The following PLEKHG4B variants were observed in gnomAD, a reference collection of about 807,000 sequenced individuals.
The protein encoded by PLEKHG4B is pleckstrin homology domain-containing family G member 4B.
A neutral mutation model predicts 121.3 loss-of-function variants in PLEKHG4B; 111 were observed. The observed-to-expected ratio is 0.92, with a 90% confidence interval of 0.78 to 1.07. The LOEUF (loss-of-function observed/expected upper bound fraction) is 1.07. PLEKHG4B is among the 50% of genes least tolerant of loss of function. The pLI, the probability that PLEKHG4B is intolerant of heterozygous loss-of-function variation, is 0.00. For missense variants in PLEKHG4B, 1,831 were observed against 1,757.8 expected (o/e 1.04, Z -0.74); for synonymous variants, 738 against 725.0 (o/e 1.02, Z -0.29).
chr5:109,250 C>T (rs568408136), intron 1 of PLEKHG4B, among the ~76,000 whole-genome samples: 2 of 151,986 alleles, frequency 1.3e-5, no homozygotes, highest in South Asian at 2.1e-4. Context: ...ATTAGCCAGG[C>T]GCGGTTAGTG....
intron 6 of PLEKHG4B, among the ~76,000 whole-genome samples, chr5:148,654 G>A (rs981268984): frequency 1.3e-5 from 2 of 152,164 alleles, no homozygotes; most frequent in South Asian, 2.1e-4. Context: ...ACTACACAAA[G>A]TGATGTATAG....
rs755737878 is a variant in PLEKHG4B, at chr5:161,939, G to A, written c.2644G>A (p.Glu882Lys). The change falls in exon 12 of 20, where the codon GAG becomes AAG. Residue 882 changes from glutamate (E) to lysine (K), a missense_variant. By Grantham distance (56) the Glu-to-Lys change is moderately conservative. Transcript: ENST00000637938. ...GTGGACCCGCTCGTCCGAGTTGTGC[G>A]AGACGGTAAGAGACCCAGTGGGCGT... is the stretch of plus-strand genomic sequence containing the variant. ...ARWTRSSELC[E>K]TVSSWMGPLD... The A allele has an allele frequency of 1.2e-5, 20 of 1,606,906 alleles. 1 individual carries two copies. The highest frequency in any genetic ancestry group is 1.1e-4 in the African/African-American group (8 of 74,810).
At position 156,239 on chromosome 5, in the gene PLEKHG4B, C is replaced by T. The variant is rs779074246; in HGVS notation, c.2348+29C>T. 2 of 1,428,500 alleles carry T rather than the reference C, an allele frequency of 1.4e-6. No homozygotes were observed. The highest frequency in any genetic ancestry group is 3.3e-5 in the South Asian group (2 of 60,874). 88.5% of individuals were successfully genotyped at this position (1,428,500 alleles called of 1,614,324 possible). ...AGCGCTCACAGGGGTCATGCTGGGC[C>T]CTGGCCCATCGAGGGAGCTGCTCGG... is the stretch of plus-strand genomic sequence containing the variant. On this transcript the variant is annotated intron_variant, in intron 10 of 19. Coordinates refer to ENST00000637938, the MANE Select transcript of PLEKHG4B (RefSeq NM_052909.5). This position sits in a 1 kb window ranked among gnomAD's most constrained non-coding sequence, Gnocchi z 4.4.
At chr5:168,285 T>C (rs1736418312) in intron 13 of PLEKHG4B, among the ~76,000 whole-genome samples, 1 of 152,172 alleles carries the variant, frequency 6.6e-6, no homozygotes, top group African/African-American at 2.4e-5. Flanking sequence ...AGGGTGGGGC[T>C]GAGGGTTCCG....
Position 169,466 on chromosome 5 carries a change from A to G in PLEKHG4B, c.3603A>G (p.Arg1201=). 2 of 1,614,216 alleles carry G rather than the reference A, an allele frequency of 1.2e-6. No individual in the cohort carries two copies. Among genetic ancestry groups the G allele is most frequent in the Non-Finnish European group, 8.5e-7 (1 of 1,180,040 alleles). The change falls in exon 14 of 20, where the codon CGA becomes CGG. Residue 1201 remains arginine (R), a synonymous_variant. Coordinates refer to ENST00000637938, the MANE Select transcript of PLEKHG4B (RefSeq NM_052909.5). ...GAATGGACTTGCCCCAGGGCCTTCG[A>G]GGGAAGCACCACGTTATTTTCGGCA... ...MERMDLPQGL[R]GKHHVIFGNL...
intron 1 of PLEKHG4B, among the ~76,000 whole-genome samples, chr5:104,815 T>C (rs895471640): frequency 1.3e-5 from 2 of 152,250 alleles, no homozygotes; most frequent in Admixed American, 1.3e-4. Context: ...ACAACAATCA[T>C]GCGTAATTTA....
intron 2 of PLEKHG4B, among the ~76,000 whole-genome samples, chr5:136,459 A>G (rs1734986789): frequency 6.6e-6 from 1 of 152,238 alleles, no homozygotes; most frequent in African/African-American, 2.4e-5. Context: ...GAAAAACTCC[A>G]AAAGCTCAAC....
intron 18 of PLEKHG4B, among the ~76,000 whole-genome samples, 168 bp from the exon 19 acceptor site, chr5:181,345 GA>G (rs1736928422): frequency 6.6e-6 from 1 of 152,178 alleles, no homozygotes; most frequent in African/African-American, 2.4e-5. Flanking sequence ...CCGAAAACCG[GA>G]ATGGGAAGCC....
chr5:164,725 C>CAG (rs1316021101), intron 13 of PLEKHG4B, among the ~76,000 whole-genome samples: 8 of 57,984 alleles, frequency 1.4e-4, no homozygotes, highest in South Asian at 6.8e-4. Context: ...GGAGCTCACA[C>CAG]TAATACTCTG....
chr5:174,369 G>A (rs1359860461), intron 18 of PLEKHG4B, among the ~76,000 whole-genome samples: 37 of 146,670 alleles, frequency 2.5e-4, no homozygotes, highest in East Asian at 2.0e-4. Flanking sequence ...TCCAGGGGTC[G>A]GGGGCTAAGG....
intron 7 of PLEKHG4B, among the ~76,000 whole-genome samples, chr5:152,812 T>C (rs1735648823): frequency 6.6e-6 from 1 of 152,140 alleles, no homozygotes; most frequent in Non-Finnish European, 1.5e-5. Flanking sequence ...GACTAGATCA[T>C]GGGGGCAGAT....
rs771773327 is a variant in PLEKHG4B at position 140,490 on chromosome 5, G to T, written c.1251G>T (p.Glu417Asp). The part of the protein sequence containing the change: ...DPQQTPSLEK[E>D]RHTPSRTGPG... ...AACAGACCCCAAGTCTAGAGAAGGA[G>T]AGGCACACACCCAGCCGGACAGGTC... Residue 417 changes from glutamate to aspartate, a missense_variant, in exon 3 of 20, where the codon GAG (glutamate) becomes GAT (aspartate). Glu to Asp is a conservative substitution (Grantham distance 45). Coordinates refer to ENST00000637938, the MANE Select transcript of PLEKHG4B (RefSeq NM_052909.5). 4 of 1,595,918 alleles carry T rather than the reference G, an allele frequency of 2.5e-6. No homozygotes were observed. In the East Asian group the frequency reaches 9.1e-5, roughly 36 times the overall value.
chr5:92,630 G>A (rs1733501894), intron 1 of PLEKHG4B, among the ~76,000 whole-genome samples: 2 of 151,592 alleles, frequency 1.3e-5, no homozygotes, highest in Non-Finnish European at 2.9e-5. Context: ...ACGGGAGGGA[G>A]CTTCTTCAGG....
intron 18 of PLEKHG4B, among the ~76,000 whole-genome samples, chr5:175,268 T>C (rs780806494): frequency 2.6e-4 from 40 of 151,874 alleles, no homozygotes; most frequent in Non-Finnish European, 4.7e-4. Context: ...TTCCCCACCC[T>C]AGGATCCCTT....
Position 157,888 on chromosome 5 carries a change from C to T in PLEKHG4B, c.2487+977C>T, listed in dbSNP as rs1735843895. On this transcript the variant is annotated intron_variant, in intron 11 of 19. Coordinates refer to ENST00000637938, the MANE Select transcript of PLEKHG4B (RefSeq NM_052909.5). This position sits in a 1 kb window ranked among gnomAD's most constrained non-coding sequence, Gnocchi z 4.6. ...CCAGCCCTCCTGTCTGCTGGCAAAG[C>T]TCCCCCGGCCTTCAGGTCCATGCGC... Among the ~76,000 whole-genome samples, 1 of 152,186 alleles carries T rather than the reference C, an allele frequency of 6.6e-6. No homozygotes were observed. Among genetic ancestry groups the T allele is most frequent in the Non-Finnish European group, 1.5e-5 (1 of 68,006 alleles).
intron 12 of PLEKHG4B, among the ~76,000 whole-genome samples, chr5:162,264 AGCTCCCACGCGCCCCAGACCGCACG>A (rs1736037308): frequency 5.7e-5 from 4 of 70,632 alleles, no homozygotes; most frequent in African/African-American, 2.5e-4. Flanking sequence ...CTCGCCTGCG[AGCTCCCACGCGCCCCAGACCGCACG>A]CCTGCGAGCT....
At chr5:143,842 C>G (rs1735313623) in intron 5 of PLEKHG4B, among the ~76,000 whole-genome samples, 1 of 152,234 alleles carries the variant, frequency 6.6e-6, no homozygotes. Context: ...GTCCTTGGCT[C>G]ACAAGAGTGC....
rs1218497433 is a variant in PLEKHG4B, at chr5:165,594, G to A, written c.3476+2046G>A. Reference sequence around the variant, plus strand: ...CACAGTAATCCTCTGACGGGGCGGGGCTCACACTAATGCTCTGACGGGGCG... The same window carrying A: ...CACAGTAATCCTCTGACGGGGCGGGACTCACACTAATGCTCTGACGGGGCG... On this transcript the variant is annotated intron_variant, in intron 13 of 19. Transcript: ENST00000637938. 1.6e-4 allele frequency among the ~76,000 whole-genome samples: 6 copies of A among 36,556 alleles called. No individual in the cohort carries two copies. In the East Asian group the frequency reaches 2.9e-3, roughly 17 times the overall value. 24.0% of individuals were successfully genotyped at this position (36,556 alleles called of 152,430 possible).
Position 182,415 on chromosome 5 carries a change from C to T in PLEKHG4B, c.*92C>T. ...TGATGACTCTGGGGGTGGCGGTGCC[C>T]ATCGCGTGGCTGGAACGATCCAGAG... On this transcript the variant is annotated 3_prime_UTR_variant, in exon 20 of 20. Transcript: ENST00000637938. The T allele has an allele frequency of 1.5e-6, 2 of 1,332,112 alleles. No homozygotes were observed. The highest frequency in any genetic ancestry group is 5.1e-5 in the East Asian group (2 of 39,460). The allele number at this position is 1,332,112 out of a possible 1,614,324, so 82.5% of individuals were successfully genotyped here.
Sources: allele counts gnomAD v4.1 joint callset (sites outside exome capture counted in the v4.1 genomes callset), GRCh38; gene constraint gnomAD v4.1.1; non-coding constraint Gnocchi (gnomAD v3.1); transcripts MANE v1.5; gene names NCBI Gene and HGNC (gene_info 2026-07-23, HGNC 2026-07-21).